SLC25A48: variants seen among roughly 807,000 people sequenced by gnomAD.
The protein encoded by SLC25A48 is solute carrier family 25 member 48, also known as CTC-321K16.1.
A neutral mutation model predicts 32.2 loss-of-function variants in SLC25A48; 29 were observed. The ratio of observed to expected loss-of-function variants is 0.90; its 90% confidence interval spans 0.67 to 1.23. The LOEUF is 1.23. Ranked by LOEUF, SLC25A48 falls within the 50% of genes most tolerant of loss-of-function variation. SLC25A48 has a pLI of 0.00. For missense variants in SLC25A48, 399 were observed against 422.7 expected, an observed-to-expected ratio of 0.94 and a Z score of 0.49; for synonymous variants, 164 against 172.3, an observed-to-expected ratio of 0.95 and a Z score of 0.38.
intron 1 of SLC25A48, among the ~76,000 whole-genome samples, chr5:135,611,896 T>C (rs1383560836): frequency 6.6e-6 from 1 of 152,220 alleles, no homozygotes; most frequent in Non-Finnish European, 1.5e-5. Context: ...AAGACACAGC[T>C]GTTGAAAAGA....
At chr5:135,722,154 T>C (rs933189089) in intron 3 of SLC25A48, among the ~76,000 whole-genome samples, 5 of 152,252 alleles carry the variant, frequency 3.3e-5, no homozygotes, top group African/African-American at 9.6e-5. Context: ...ATCTTCTGAA[T>C]CTATGTAGAA....
intron 3 of SLC25A48, among the ~76,000 whole-genome samples, chr5:135,658,310 G>A (rs901648038): frequency 6.6e-6 from 1 of 152,184 alleles, no homozygotes; most frequent in Non-Finnish European, 1.5e-5. Flanking sequence ...AACCCAGCAA[G>A]GCAGTCATTA....
intron 3 of SLC25A48, among the ~76,000 whole-genome samples, chr5:135,725,941 T>C (rs1183818404): frequency 6.6e-6 from 1 of 152,036 alleles, no homozygotes; most frequent in African/African-American, 2.4e-5. Context: ...TTAATGGCTC[T>C]TAGTTAAACA....
At chr5:135,886,638 A>ATATATATAT (rs1169881576) in intron 7 of SLC25A48, among the ~76,000 whole-genome samples, 1 of 29,042 alleles carries the variant, frequency 3.4e-5, no homozygotes, top group Non-Finnish European at 6.1e-5. Flanking sequence ...TATATATATA[A>ATATATATAT]AATATATATA....
At chr5:135,806,737 A>T (rs1324698272) in intron 3 of SLC25A48, among the ~76,000 whole-genome samples, 1 of 150,178 alleles carries the variant, frequency 6.7e-6, no homozygotes, top group Non-Finnish European at 1.5e-5. Flanking sequence ...AATACTAGAT[A>T]TAATTATCAC....
At chr5:135,751,059 C>T (rs1264282799) in intron 3 of SLC25A48, among the ~76,000 whole-genome samples, 4 of 152,192 alleles carry the variant, frequency 2.6e-5, no homozygotes, top group Admixed American at 1.3e-4. Context: ...GCTGCAGATC[C>T]AGCCATCCAG....
At chr5:135,607,594 A>G (rs1215283564) in intron 1 of SLC25A48, among the ~76,000 whole-genome samples, 1 of 152,148 alleles carries the variant, frequency 6.6e-6, no homozygotes, top group Non-Finnish European at 1.5e-5. Flanking sequence ...TCTGTTGGTG[A>G]TTGCCTTTAG....
At chr5:135,835,820 C>T (rs1758459765) in intron 1 of SLC25A48, among the ~76,000 whole-genome samples, 1 of 152,080 alleles carries the variant, frequency 6.6e-6, no homozygotes. Flanking sequence ...GATTGGATCC[C>T]AACTCCTCCC....
Position 135,888,178 on chromosome 5 carries a change from C to T in SLC25A48, c.*154C>T, listed in dbSNP as rs1252711674. On this transcript the variant is annotated 3_prime_UTR_variant, in exon 8 of 8. Transcript: ENST00000681962. The stretch of plus-strand genomic sequence containing the variant: ...GGATGGTGCAGACACTGACGTGGCC[C>T]TTCTGATGCCTGGGATGCCTCATGA... The T allele has an allele frequency of 8.1e-7, 1 of 1,232,828 alleles. No individual in the cohort carries two copies. Among genetic ancestry groups the T allele is most frequent in the East Asian group, 2.6e-5 (1 of 38,984 alleles). 76.4% of individuals were successfully genotyped at this position (1,232,828 alleles called of 1,614,324 possible).
chr5:135,628,526 G>C (rs1668202819), intron 1 of SLC25A48, among the ~76,000 whole-genome samples: 1 of 152,162 alleles, frequency 6.6e-6, no homozygotes, highest in Admixed American at 6.5e-5. Context: ...TTGGGTTCCA[G>C]AGGTCTTCTG....
chr5:135,587,565 A>G (rs17168688), intron 1 of SLC25A48, among the ~76,000 whole-genome samples: 12,325 of 152,244 alleles, frequency 0.081, 510 homozygotes, highest in South Asian at 0.15. Context: ...GCTTTTAATC[A>G]GTCTCTGGCA....
chr5:135,856,359 T>G (rs1416785073), intron 4 of SLC25A48, among the ~76,000 whole-genome samples: 1 of 152,198 alleles, frequency 6.6e-6, no homozygotes, highest in African/African-American at 2.4e-5. Context: ...GGCAGCCTTC[T>G]GAGTAGCCCC....
intron 5 of SLC25A48, chr5:135,872,539 T>C (rs192441665): frequency 8.3e-4 from 126 of 152,238 alleles, no homozygotes; most frequent in African/African-American, 3.0e-3. Flanking sequence ...GAGAAGGGTG[T>C]AAAAACCTGA....
intron 3 of SLC25A48, among the ~76,000 whole-genome samples, chr5:135,799,982 A>G (rs563628995): frequency 3.1e-4 from 47 of 151,934 alleles, no homozygotes; most frequent in Non-Finnish European, 6.0e-4. Context: ...CCAAAATCGC[A>G]GAAGGTGTGC....
chr5:135,687,266 A>G (rs1448763081), intron 3 of SLC25A48, among the ~76,000 whole-genome samples: 1 of 152,210 alleles, frequency 6.6e-6, no homozygotes, highest in Non-Finnish European at 1.5e-5. Context: ...TACCACCTAT[A>G]TATTTGGAAA....
At chr5:135,604,778 G>C (rs1751891644) in intron 1 of SLC25A48, among the ~76,000 whole-genome samples, 1 of 152,164 alleles carries the variant, frequency 6.6e-6, no homozygotes, top group Admixed American at 6.5e-5. Flanking sequence ...TAAAAGGTCA[G>C]GTGTCCAAAG....
chr5:135,785,188 CA>C (rs1348070451), intron 3 of SLC25A48, among the ~76,000 whole-genome samples: 1 of 152,028 alleles, frequency 6.6e-6, no homozygotes, highest in Non-Finnish European at 1.5e-5. Flanking sequence ...ATATCATTGC[CA>C]AAAAAGTAAA....
intron 4 of SLC25A48, among the ~76,000 whole-genome samples, chr5:135,858,460 G>C (rs115932093): frequency 1.9e-3 from 282 of 152,344 alleles, no homozygotes; most frequent in African/African-American, 6.3e-3. Context: ...CTTGGCAGTA[G>C]TGGCTGAGTG....
At chr5:135,818,067 CT>C (rs1757776480) in intron 4 of SLC25A48, among the ~76,000 whole-genome samples, 1 of 22,062 alleles carries the variant, frequency 4.5e-5, no homozygotes, top group Non-Finnish European at 1.3e-4. Context: ...CTCTCTCTCT[CT>C]CTCTCTCTCT....
Sources: gnomAD v4.1 joint callset for allele counts (sites outside exome capture counted in the v4.1 genomes callset) on GRCh38, gnomAD v4.1.1 for gene constraint, MANE v1.5 for transcripts, NCBI Gene and HGNC (gene_info 2026-07-23, HGNC 2026-07-21) for gene names.